The following COG7 variants were observed in gnomAD, a reference collection of about 807,000 sequenced individuals.
COG7 encodes the protein component of oligomeric golgi complex 7, also known as conserved oligomeric Golgi complex subunit 7.
Under a neutral mutation model 91.5 loss-of-function variants are expected in COG7, and 49 were observed. The ratio of observed to expected loss-of-function variants is 0.54; its 90% CI spans 0.43 to 0.68. The LOEUF (loss-of-function observed/expected upper bound fraction) is 0.68. Among genes scored for constraint, COG7 ranks in the 30% least tolerant of loss-of-function variants. The probability of loss-of-function intolerance (pLI) is 0.00; values close to 1 mark genes in which losing one functional copy is unlikely to be tolerated. For synonymous variants in COG7, 365 were observed against 388.7 expected, an observed-to-expected ratio of 0.94 and a Z score of 0.72; for missense variants, 895 against 961.3, an observed-to-expected ratio of 0.93 and a Z score of 0.91.
Position 23,442,459 on chromosome 16 carries a change from G to A in COG7, c.604+18C>T, listed in dbSNP as rs776048421. On this transcript the variant is annotated intron_variant, in intron 4 of 16. Transcript: ENST00000307149. ...TATAGAGAGATATACACAGAGATGA[G>A]AAGCAGCTAGCACTCACCTACAGCC... 3 of 1,612,780 alleles carry A rather than the reference G, an allele frequency of 1.9e-6. No homozygotes were observed. In the Admixed American group the frequency reaches 5.0e-5, roughly 27 times the overall value.
At chr16:23,398,224 T>A in intron 13 of COG7, 95 bp from the exon 14 acceptor site, 1 of 955,986 alleles carries the variant, frequency 1.0e-6, no homozygotes, top group Non-Finnish European at 1.7e-6. Context: ...TGGCCTTCCC[T>A]GGAGGCACTG....
intron 6 of COG7, among the ~76,000 whole-genome samples, chr16:23,428,851 C>G (rs1596942340): frequency 6.6e-6 from 1 of 151,980 alleles, no homozygotes; most frequent in Admixed American, 6.6e-5. Context: ...GCCACCATGG[C>G]CGGCTAATTT....
In COG7 at chr16:23,398,068, G is replaced by T; in HGVS notation, c.1865C>A (p.Thr622Asn). The T allele has an allele frequency of 1.2e-6, 2 of 1,614,196 alleles. No homozygotes were observed. The highest frequency in any genetic ancestry group is 1.7e-6 in the Non-Finnish European group (2 of 1,180,026). The change falls in exon 14 of 17, where the codon ACC becomes AAC. Residue 622 changes from threonine to asparagine, a missense_variant. Physicochemically the swap from Thr to Asn is moderately conservative, Grantham distance 65. Coordinates refer to ENST00000307149, the MANE Select transcript of COG7 (RefSeq NM_153603.4). Reference sequence around the variant, plus strand: ...TACGTTGCTGATGTACTCGAGAGGGGTGAGACTAAAGGCGGGCAGTTCATC... The same window carrying T: ...TACGTTGCTGATGTACTCGAGAGGGTTGAGACTAAAGGCGGGCAGTTCATC... ...LTDELPAFSL[T>N]PLEYISNIGQ...
intron 6 of COG7, among the ~76,000 whole-genome samples, chr16:23,426,995 T>A (rs1297126268): frequency 2.0e-5 from 3 of 152,144 alleles, no homozygotes; most frequent in Non-Finnish European, 4.4e-5. Flanking sequence ...ATGCCTCTAA[T>A]CCCAACACTT....
At chr16:23,444,974 T>C (rs1442145133) in intron 3 of COG7, 74 bp downstream of exon 3, 1 of 1,093,012 alleles carries the variant, frequency 9.1e-7, no homozygotes, top group Non-Finnish European at 1.4e-6. Flanking sequence ...CAACTTTGTA[T>C]CTCTTTTGCT....
At chr16:23,399,159 C>G (rs1204667399) in intron 13 of COG7, among the ~76,000 whole-genome samples, 2 of 152,190 alleles carry the variant, frequency 1.3e-5, no homozygotes, top group African/African-American at 2.4e-5. Flanking sequence ...ATGTCCAACC[C>G]TGGGCTCCCA....
intron 13 of COG7, among the ~76,000 whole-genome samples, chr16:23,399,695 A>G (rs1157619858): frequency 1.3e-5 from 2 of 152,214 alleles, no homozygotes; most frequent in African/African-American, 4.8e-5. Context: ...CATAGGATGT[A>G]TGCGGTACAC....
At chr16:23,435,673 G>T (rs1964002922) in intron 4 of COG7, among the ~76,000 whole-genome samples, 1 of 151,952 alleles carries the variant, frequency 6.6e-6, no homozygotes, top group African/African-American at 2.4e-5. Context: ...TATATCAAAA[G>T]AAGGGAAAAA....
intron 13 of COG7, among the ~76,000 whole-genome samples, chr16:23,400,498 G>T (rs1210127029): frequency 6.6e-6 from 1 of 152,190 alleles, no homozygotes; most frequent in Non-Finnish European, 1.5e-5. Context: ...GACAAGCACT[G>T]CTGCCATCCA....
At chr16:23,405,543 G>A (rs1319772617) in intron 12 of COG7, among the ~76,000 whole-genome samples, 1 of 147,490 alleles carries the variant, frequency 6.8e-6, no homozygotes, top group Non-Finnish European at 1.5e-5. Flanking sequence ...TTGAGATGGA[G>A]TCTCGCTCTG....
chr16:23,441,499 TG>T (rs1192115855), intron 4 of COG7, among the ~76,000 whole-genome samples: 1 of 151,992 alleles, frequency 6.6e-6, no homozygotes, highest in Non-Finnish European at 1.5e-5. Flanking sequence ...CGCTTGAGCC[TG>T]GGGGGCAGAG....
At chr16:23,410,861 A>G (rs1596923169) in intron 10 of COG7, among the ~76,000 whole-genome samples, 2 of 152,040 alleles carry the variant, frequency 1.3e-5, no homozygotes, top group East Asian at 3.9e-4. Context: ...GCACGCCACC[A>G]CGCCTGGCTA....
At chr16:23,403,866 A>T in intron 12 of COG7, 32 bp from the exon 13 acceptor site, 1 of 1,614,008 alleles carries the variant, frequency 6.2e-7, no homozygotes, top group Non-Finnish European at 8.5e-7. Context: ...GGCAGTTGTT[A>T]GGCCTGAAAC....
At chr16:23,407,169 C>A (rs1963475884) in intron 11 of COG7, among the ~76,000 whole-genome samples, 1 of 152,204 alleles carries the variant, frequency 6.6e-6, no homozygotes. Context: ...CCTGTACTTG[C>A]AAATAAATCC....
intron 2 of COG7, among the ~76,000 whole-genome samples, chr16:23,445,415 G>A (rs930057390): frequency 1.3e-5 from 2 of 152,156 alleles, no homozygotes; most frequent in African/African-American, 2.4e-5. Context: ...CACTTTGGGA[G>A]GCCAAGATGG....
chr16:23,398,013 G>A (rs763965211), intron 14 of COG7, 33 bp downstream of exon 14: 23 of 1,578,394 alleles, frequency 1.5e-5, no homozygotes, highest in Non-Finnish European at 1.7e-5. Flanking sequence ...GAAAGACTTG[G>A]ACCACCCTGG....
intron 13 of COG7, among the ~76,000 whole-genome samples, chr16:23,398,728 C>G (rs1963324974): frequency 6.6e-6 from 1 of 152,186 alleles, no homozygotes; most frequent in African/African-American, 2.4e-5. Flanking sequence ...TGTTTCTCAA[C>G]TCATCAGAAC....
At chr16:23,429,982 C>A (rs1000430534) in intron 6 of COG7, among the ~76,000 whole-genome samples, 1 of 152,106 alleles carries the variant, frequency 6.6e-6, no homozygotes, top group Non-Finnish European at 1.5e-5. Context: ...GCAGTGGTTG[C>A]CTTAAGGGTG....
intron 7 of COG7, among the ~76,000 whole-genome samples, chr16:23,422,327 A>T (rs898943149): frequency 2.0e-5 from 3 of 151,972 alleles, no homozygotes; most frequent in South Asian, 2.1e-4. Flanking sequence ...AAACAAAAAA[A>T]AAATAAAGAC....
Sources: gnomAD v4.1 joint callset for allele counts (sites outside exome capture counted in the v4.1 genomes callset) on GRCh38, gnomAD v4.1.1 for gene constraint, MANE v1.5 for transcripts, NCBI Gene and HGNC (gene_info 2026-07-23, HGNC 2026-07-21) for gene names.